SGPP2: variants seen among roughly 807,000 people sequenced by gnomAD.
SGPP2 encodes the protein sphingosine-1-phosphate phosphatase 2.
SGPP2 carries 30 observed loss-of-function variants against 33.9 expected under a neutral mutation model. The ratio of observed to expected loss-of-function variants is 0.89; its 90% CI spans 0.66 to 1.20. The LOEUF (loss-of-function observed/expected upper bound fraction) is 1.20. Ranked by LOEUF, SGPP2 falls within the 50% of genes most tolerant of loss-of-function variation. SGPP2 has a pLI of 0.00. For synonymous variants in SGPP2, 233 were observed against 225.0 expected, an observed-to-expected ratio of 1.04 and a Z score of -0.32; for missense variants, 458 against 532.1, an observed-to-expected ratio of 0.86 and a Z score of 1.37.
intron 2 of SGPP2, among the ~76,000 whole-genome samples, chr2:222,510,285 T>C (rs898840808): frequency 6.6e-6 from 1 of 152,166 alleles, no homozygotes; most frequent in African/African-American, 2.4e-5. Flanking sequence ...ATCCAAGTCA[T>C]CTTACTGGTA....
At chr2:222,485,755 G>A (rs1444551399) in intron 2 of SGPP2, among the ~76,000 whole-genome samples, 3 of 152,188 alleles carry the variant, frequency 2.0e-5, no homozygotes, top group Admixed American at 1.3e-4. Flanking sequence ...TCCTGTGTGA[G>A]TGACAAGGAG....
chr2:222,433,344 G>A lies in SGPP2; in HGVS notation c.219+8523G>A, dbSNP rs578031023. 5.9e-5 allele frequency among the ~76,000 whole-genome samples: 9 copies of A among 152,270 alleles called. No individual in the cohort carries two copies. In the South Asian group the frequency reaches 1.7e-3, roughly 28 times the overall value. On this transcript the variant is annotated intron_variant, in intron 1 of 4. Coordinates refer to ENST00000321276, the MANE Select transcript of SGPP2 (RefSeq NM_152386.4). ...CCTCTCAGTGGAGGGAGCCTGTGGG[G>A]ATCTCGCAGTGCAACCAGAATGTGC... is the stretch of plus-strand genomic sequence containing the variant.
chr2:222,538,721 A>G (rs529025677), intron 4 of SGPP2, among the ~76,000 whole-genome samples: 6 of 152,284 alleles, frequency 3.9e-5, no homozygotes, highest in African/African-American at 1.4e-4. Context: ...AGGGGAAGGG[A>G]AAGCAGGCGC....
intron 1 of SGPP2, among the ~76,000 whole-genome samples, chr2:222,467,719 A>G (rs1697766951): frequency 1.3e-5 from 2 of 152,008 alleles, no homozygotes; most frequent in Admixed American, 6.6e-5. Flanking sequence ...TGTTTTGTAA[A>G]AGAGCTTTGA....
At chr2:222,537,964 G>A (rs1283350864) in intron 4 of SGPP2, among the ~76,000 whole-genome samples, 1 of 152,144 alleles carries the variant, frequency 6.6e-6, no homozygotes, top group African/African-American at 2.4e-5. Flanking sequence ...ACAAACTATG[G>A]TACATCCATT....
At chr2:222,535,001 T>G (rs939767684) in intron 4 of SGPP2, among the ~76,000 whole-genome samples, 7 of 152,216 alleles carry the variant, frequency 4.6e-5, no homozygotes, top group Non-Finnish European at 5.9e-5. Context: ...AACTTTCATA[T>G]GTATTACTAA....
chr2:222,435,539 T>G (rs1203036742), intron 1 of SGPP2, among the ~76,000 whole-genome samples: 3 of 152,128 alleles, frequency 2.0e-5, no homozygotes, highest in African/African-American at 7.2e-5. Flanking sequence ...GTAATCTTCA[T>G]ATACAGATAA....
At chr2:222,501,947 C>T (rs925724362) in intron 2 of SGPP2, among the ~76,000 whole-genome samples, 31 of 152,046 alleles carry the variant, frequency 2.0e-4, no homozygotes, top group African/African-American at 7.5e-4. Context: ...AAGACAAATG[C>T]TTTCTCAATC....
At chr2:222,436,650 A>T (rs1488811684) in intron 1 of SGPP2, among the ~76,000 whole-genome samples, 3 of 152,150 alleles carry the variant, frequency 2.0e-5, no homozygotes. Context: ...GCTGTGTGGG[A>T]TACTATGACG....
chr2:222,528,907 G>A lies in SGPP2; in HGVS notation c.648+3874G>A, dbSNP rs181069475. Among the ~76,000 whole-genome samples the A allele has an allele frequency of 2.7e-4, 41 of 152,234 alleles. No individual in the cohort carries two copies. In the East Asian group the frequency reaches 7.4e-3, roughly 27 times the overall value. ...GCTGGGATTACAGGCATGAGCCAGC[G>A]TGTCCTGTTTCTTAAAATAGACAAC... is the stretch of plus-strand genomic sequence containing the variant. On this transcript the variant is annotated intron_variant, in intron 4 of 4. Transcript: ENST00000321276.
intron 1 of SGPP2, among the ~76,000 whole-genome samples, chr2:222,430,144 G>A (rs1697130682): frequency 6.6e-6 from 1 of 152,222 alleles, no homozygotes; most frequent in Non-Finnish European, 1.5e-5. Flanking sequence ...ACAATAGCAG[G>A]AGTAACTCAC....
rs1317597660 is a variant in SGPP2 at position 222,460,457 on chromosome 2, A to G, written c.220-14111A>G. Among the ~76,000 whole-genome samples the G allele has an allele frequency of 6.6e-6, 1 of 152,196 alleles. No homozygotes were observed. ...TGAGCTTCATGGCAATATGTCTGTG[A>G]CTTCTCCTTAAGATACATTTGAATC... On this transcript the variant is annotated intron_variant, in intron 1 of 4. Transcript: ENST00000321276. The surrounding 1 kb of genome is among the most constrained non-coding windows in gnomAD (Gnocchi z 4.3).
At chr2:222,523,669 G>A (rs1698717542) in intron 3 of SGPP2, among the ~76,000 whole-genome samples, 1 of 151,686 alleles carries the variant, frequency 6.6e-6, no homozygotes, top group African/African-American at 2.4e-5. Flanking sequence ...CTCATAAACA[G>A]CTCTAAATAT....
intron 1 of SGPP2, among the ~76,000 whole-genome samples, chr2:222,444,656 A>G (rs142863956): frequency 1.1e-3 from 173 of 152,318 alleles, no homozygotes; most frequent in African/African-American, 3.9e-3. Context: ...TCTTTTTCTC[A>G]GAGTCCTTGA....
chr2:222,554,294 A>G (rs1457981875), intron 4 of SGPP2, among the ~76,000 whole-genome samples: 1 of 152,202 alleles, frequency 6.6e-6, no homozygotes, highest in African/African-American at 2.4e-5. Context: ...CTTGCTTTTT[A>G]AAATTTCTTG....
chr2:222,521,994 T>C (rs1698694100), intron 3 of SGPP2, 48 bp downstream of exon 3: 8 of 1,449,858 alleles, frequency 5.5e-6, no homozygotes, highest in Admixed American at 5.5e-5. Context: ...AGGCAGCAAA[T>C]AGAGGCTGCA....
Position 222,558,649 on chromosome 2 carries a change from C to A in SGPP2, c.951C>A (p.Thr317=). Residue 317 remains threonine, a synonymous_variant, in exon 5 of 5, where the codon ACC becomes ACA. Transcript: ENST00000321276. ...TTATTCAGAACATCCCACCACTCAC[C>A]ACCTACATGTTAGTTTTGGGTCTGA... is the stretch of plus-strand genomic sequence containing the variant. The part of the protein sequence containing the change: ...LPVIQNIPPL[T]TYMLVLGLTK... 6.2e-7 allele frequency: 1 copy of A among 1,614,182 alleles called. No homozygotes were observed. The highest frequency in any genetic ancestry group is 8.5e-7 in the Non-Finnish European group (1 of 1,180,040).
chr2:222,553,726 T>G (rs1466248077), intron 4 of SGPP2, among the ~76,000 whole-genome samples: 3 of 152,222 alleles, frequency 2.0e-5, no homozygotes, highest in Non-Finnish European at 4.4e-5. Context: ...GCAGCATTCT[T>G]TAGCTCTGTG....
chr2:222,524,472 G>A (rs1374139530), intron 3 of SGPP2, among the ~76,000 whole-genome samples: 2 of 152,218 alleles, frequency 1.3e-5, no homozygotes, highest in Admixed American at 1.3e-4. Context: ...CAAATATGCC[G>A]ATTCTGACTT....
Sources: gnomAD v4.1 joint callset for allele counts (sites outside exome capture counted in the v4.1 genomes callset) on GRCh38, gnomAD v4.1.1 for gene constraint, Gnocchi (gnomAD v3.1) non-coding constraint, MANE v1.5 for transcripts, NCBI Gene and HGNC (gene_info 2026-07-23, HGNC 2026-07-21) for gene names.